Variants in MYRIP observed in about 807,000 individuals in gnomAD.
MYRIP encodes rab effector MyRIP.
Under a neutral mutation model 98.0 loss-of-function variants are expected in MYRIP, and 49 were observed. The observed-to-expected ratio is 0.50, with a 90% CI of 0.40 to 0.63. MYRIP has a LOEUF of 0.63. Ranked by LOEUF, MYRIP falls within the 30% of genes least tolerant of loss-of-function variation. The pLI is 0.00. For synonymous variants in MYRIP, 404 were observed against 409.5 expected, an observed-to-expected ratio of 0.99 and a Z score of 0.16; for missense variants, 1,004 against 1,058.2, an observed-to-expected ratio of 0.95 and a Z score of 0.71.
intron 2 of MYRIP, among the ~76,000 whole-genome samples, chr3:39,992,424 C>T (rs1403819546): frequency 1.3e-5 from 2 of 152,174 alleles, no homozygotes; most frequent in African/African-American, 2.4e-5. Context: ...CCAAAGTCTG[C>T]CTCTCCCCCA....
chr3:39,869,259 CTTT>C (rs1298517515), intron 1 of MYRIP, among the ~76,000 whole-genome samples: 1 of 152,104 alleles, frequency 6.6e-6, no homozygotes, highest in African/African-American at 2.4e-5. Flanking sequence ...TTTCACATTC[CTTT>C]TTTTAATTGT....
chr3:39,863,089 CAAG>C (rs990044543), intron 1 of MYRIP, among the ~76,000 whole-genome samples: 32 of 152,096 alleles, frequency 2.1e-4, no homozygotes, highest in African/African-American at 7.5e-4. Context: ...ATGCAGAAAT[CAAG>C]AAATTCTTTG....
At chr3:39,845,756 T>C (rs1333723544) in intron 1 of MYRIP, among the ~76,000 whole-genome samples, 1 of 151,158 alleles carries the variant, frequency 6.6e-6, no homozygotes, top group Non-Finnish European at 1.5e-5. Context: ...CCACTTTTTT[T>C]CTAAGCACAG....
At chr3:39,951,655 G>GT (rs946060706) in intron 2 of MYRIP, among the ~76,000 whole-genome samples, 3 of 151,536 alleles carry the variant, frequency 2.0e-5, no homozygotes, top group Admixed American at 6.6e-5. Context: ...TTATTCTTTT[G>GT]TTTTTTTTCC....
chr3:40,190,034 C>G lies in MYRIP; in HGVS notation c.1236C>G (p.Pro412=), dbSNP rs373882385. ...DWSEALSKLC[P]RSRALPRNPQ... is the part of the protein sequence containing the mutation. ...GTGAGGCCTTGAGCAAGCTGTGTCC[C>G]AGGTCCCGGGCCCTGCCCAGGAACC... The change falls in exon 10 of 17, where the codon CCC becomes CCG. Residue 412 remains proline, a synonymous_variant. Coordinates refer to ENST00000302541, the MANE Select transcript of MYRIP (RefSeq NM_015460.4). The G allele has an allele frequency of 3.7e-6, 6 of 1,613,960 alleles. No individual in the cohort carries two copies. The African/African-American group carries it at 8.0e-5, about 22-fold the overall frequency.
intron 2 of MYRIP, among the ~76,000 whole-genome samples, chr3:40,034,974 CA>C (rs1358307554): frequency 6.7e-6 from 1 of 148,202 alleles, no homozygotes; most frequent in African/African-American, 2.5e-5. Flanking sequence ...ATCGCACAGA[CA>C]AAAAACCAAA....
chr3:40,088,125 G>A (rs184148859), intron 3 of MYRIP, among the ~76,000 whole-genome samples: 2 of 152,274 alleles, frequency 1.3e-5, no homozygotes, highest in Non-Finnish European at 2.9e-5. Context: ...TGATGCTGTG[G>A]GAAGACAGCA....
At chr3:40,180,050 G>A (rs941329283) in intron 8 of MYRIP, among the ~76,000 whole-genome samples, 3 of 152,162 alleles carry the variant, frequency 2.0e-5, no homozygotes, top group Non-Finnish European at 2.9e-5. Context: ...AAAACCTCGG[G>A]TGTTGTCAAG....
chr3:39,900,332 A>AT (rs35136210), intron 1 of MYRIP, among the ~76,000 whole-genome samples: 1 of 146,356 alleles, frequency 6.8e-6, no homozygotes, highest in Admixed American at 6.6e-5. Context: ...TATACATAGG[A>AT]TTTTTTTAAA....
At chr3:39,822,815 A>C (rs1941141797) in intron 1 of MYRIP, among the ~76,000 whole-genome samples, 1 of 151,252 alleles carries the variant, frequency 6.6e-6, no homozygotes, top group South Asian at 2.1e-4. Flanking sequence ...TATTTCACCT[A>C]ATGTGATGTC....
At chr3:40,051,411 G>A (rs1239232709) in intron 3 of MYRIP, among the ~76,000 whole-genome samples, 1 of 152,072 alleles carries the variant, frequency 6.6e-6, no homozygotes, top group Non-Finnish European at 1.5e-5. Flanking sequence ...GTACATTTTT[G>A]GGGCACAATG....
At chr3:39,978,889 C>T (rs7615237) in intron 2 of MYRIP, among the ~76,000 whole-genome samples, 29,386 of 151,422 alleles carry the variant, frequency 0.19, 5,576 homozygotes, top group African/African-American at 0.49. Flanking sequence ...ATGTTCTAAG[C>T]TGTAGCATTT....
chr3:39,997,280 C>A (rs1946385277), intron 2 of MYRIP, among the ~76,000 whole-genome samples: 2 of 151,814 alleles, frequency 1.3e-5, no homozygotes, highest in Non-Finnish European at 2.9e-5. Flanking sequence ...AATTGATAGA[C>A]CCCTAGCAAG....
At chr3:39,926,079 G>T (rs1371555651) in intron 2 of MYRIP, among the ~76,000 whole-genome samples, 2 of 152,008 alleles carry the variant, frequency 1.3e-5, no homozygotes, top group African/African-American at 4.8e-5. Flanking sequence ...TTTCTCTGAT[G>T]GTGAGTGACA....
intron 2 of MYRIP, among the ~76,000 whole-genome samples, chr3:39,980,626 A>G (rs1485479523): frequency 6.6e-6 from 1 of 152,220 alleles, no homozygotes; most frequent in African/African-American, 2.4e-5. Context: ...CTCATATCAT[A>G]GATGCCTTTG....
Position 39,980,380 on chromosome 3 carries a change from C to G in MYRIP, c.111-63670C>G, listed in dbSNP as rs140884796. On this transcript the variant is annotated intron_variant, in intron 2 of 16. Transcript: ENST00000302541. The stretch of plus-strand genomic sequence containing the variant: ...GCATGGCCCTTGGGTAGAGGAACTC[C>G]CATAAGGCCAAAGGCAGTTTTCCAG... Among the ~76,000 whole-genome samples the G allele has an allele frequency of 1.8e-3, 278 of 152,230 alleles. 1 individual carries two copies. Among genetic ancestry groups the G allele is most frequent in the Middle Eastern group, 6.8e-3 (2 of 294 alleles).
intron 2 of MYRIP, among the ~76,000 whole-genome samples, chr3:39,932,269 G>A (rs1559526981): frequency 1.3e-5 from 2 of 152,154 alleles, no homozygotes; most frequent in Non-Finnish European, 2.9e-5. Flanking sequence ...TTGCACTAAT[G>A]TTTAAAGCGA....
Position 40,212,158 on chromosome 3 carries a change from A to ATGTG in MYRIP, c.1905+2066_1905+2067insGTGT, listed in dbSNP as rs1559456612. ...TATATATATACATATATATACGTGT[A>ATGTG]TATATATATACATATATATACGTGT... On this transcript the variant is annotated intron_variant, in intron 11 of 16. Transcript: ENST00000302541. Among the ~76,000 whole-genome samples, 28 of 3,428 alleles carry ATGTG rather than the reference A, an allele frequency of 8.2e-3. 1 individual carries two copies. The highest frequency in any genetic ancestry group is 0.016 in the African/African-American group (27 of 1,716). The allele number at this position is 3,428 out of a possible 152,430, so 2.2% of individuals were successfully genotyped here.
intron 2 of MYRIP, among the ~76,000 whole-genome samples, chr3:39,911,844 G>C (rs148275540): frequency 6.6e-6 from 1 of 152,298 alleles, no homozygotes; most frequent in Non-Finnish European, 1.5e-5. Flanking sequence ...TCCTGCCTCA[G>C]GGTTAAAGGG....
Sources: gnomAD v4.1 joint callset for allele counts (sites outside exome capture counted in the v4.1 genomes callset) on GRCh38, gnomAD v4.1.1 for gene constraint, MANE v1.5 for transcripts, NCBI Gene and HGNC (gene_info 2026-07-23, HGNC 2026-07-21) for gene names.